Variants in FCGRT observed in about 807,000 individuals in gnomAD.
The protein encoded by FCGRT is Fc gamma receptor and transporter, also known as IgG receptor FcRn large subunit p51.
A neutral mutation model predicts 35.7 loss-of-function variants in FCGRT; 13 were observed. The observed-to-expected ratio is 0.36, with a 90% CI of 0.24 to 0.58. The LOEUF (loss-of-function observed/expected upper bound fraction) is 0.58, where lower values mean the gene tolerates loss of function less well. Among genes scored for constraint, FCGRT ranks in the 20% least tolerant of loss-of-function variants. FCGRT has a pLI of 0.77. For synonymous variants in FCGRT, 233 were observed against 216.5 expected, an observed-to-expected ratio of 1.08 and a Z score of -0.67; for missense variants, 455 against 474.9, an observed-to-expected ratio of 0.96 and a Z score of 0.39.
chr19:49,523,306 T>C (rs537490045), intron 4 of FCGRT, among the ~76,000 whole-genome samples: 3 of 151,868 alleles, frequency 2.0e-5, no homozygotes, highest in Non-Finnish European at 2.9e-5. Context: ...TGGTGCATCA[T>C]GCCTGTAATC....
chr19:49,526,196 ATC>A lies in FCGRT; in HGVS notation c.*81_*82del, dbSNP rs951656089. 5.2e-6 allele frequency: 5 copies of A among 955,648 alleles called. No homozygotes were observed. The African/African-American group carries it at 8.0e-5, about 15-fold the overall frequency. 59.2% of individuals were successfully genotyped at this position (955,648 alleles called of 1,614,324 possible). On this transcript the variant is annotated 3_prime_UTR_variant, in exon 7 of 7. Transcript: ENST00000221466. ...CTGTGAGACCTCCTGGAACACTGGC[ATC>A]TCTGAGCCTCCAGAAGGGGTTCTGG...
chr19:49,513,960 G>A lies in FCGRT; in HGVS notation c.152G>A (p.Gly51Asp). Residue 51 changes from glycine to aspartate, a missense_variant, in exon 3 of 7, where the codon GGC (glycine) becomes GAC (aspartate). Coordinates refer to ENST00000221466, the MANE Select transcript of FCGRT (RefSeq NM_001136019.3). ...GGGACTCCTGCCTTCTGGGTGTCCG[G>A]CTGGCTGGGCCCGCAGCAGTACCTG... The part of the protein sequence containing the change: ...APGTPAFWVS[G>D]WLGPQQYLSY... 4.3e-6 allele frequency: 7 copies of A among 1,613,946 alleles called. No homozygotes were observed. Among genetic ancestry groups the A allele is most frequent in the Non-Finnish European group, 5.9e-6 (7 of 1,179,974 alleles).
In FCGRT at chr19:49,513,491, C is replaced by CCAGGGCCCGCCTGCAG; in HGVS notation, c.73+26_73+27insGCCTGCAGCAGGGCCC. ...GGGCGCAGGTGAGGGCCGCTCCGGG[C>CCAGGGCCCGCCTGCAG]CAGGGCCCTGCTGCAGGCGGGCGGC... On this transcript the variant is annotated intron_variant, in intron 2 of 6. Coordinates refer to ENST00000221466, the MANE Select transcript of FCGRT (RefSeq NM_001136019.3). 8.1e-7 allele frequency: 1 copy of CCAGGGCCCGCCTGCAG among 1,239,400 alleles called. No individual in the cohort carries two copies. The highest frequency in any genetic ancestry group is 1.0e-6 in the Non-Finnish European group (1 of 985,662). 76.8% of individuals were successfully genotyped at this position (1,239,400 alleles called of 1,614,324 possible). A position where few individuals can be genotyped will look rare whatever the true frequency, so the allele number is the denominator to read the frequency against.
At chr19:49,525,926 GACAC>G (rs1181569839) in intron 6 of FCGRT, 80 bp from the exon 7 acceptor site, 32 of 840,958 alleles carry the variant, frequency 3.8e-5, no homozygotes, top group Non-Finnish European at 5.0e-5. Flanking sequence ...GAGTGTGTGA[GACAC>G]ACACACAAAT....
At chr19:49,525,147 G>A in intron 5 of FCGRT, 1 of 514,492 alleles carries the variant, frequency 1.9e-6, no homozygotes, top group South Asian at 1.8e-5. Flanking sequence ...CTGCTGCTTT[G>A]CTACTGCCCG....
rs200637204 is a variant in FCGRT at position 49,514,425 on chromosome 19, C to T, written c.540C>T (p.Phe180=). 6.3e-7 allele frequency: 1 copy of T among 1,593,636 alleles called. No homozygotes were observed. Among genetic ancestry groups the T allele is most frequent in the Non-Finnish European group, 8.6e-7 (1 of 1,166,746 alleles). ...ACAAGGAGCTCACCTTCCTGCTATTCTCCTGCCCGCACCGCCTGCGGGAGC... is the reference window on the plus strand; with the variant it reads ...ACAAGGAGCTCACCTTCCTGCTATTTTCCTGCCCGCACCGCCTGCGGGAGC... The part of the protein sequence containing the change: ...AANKELTFLL[F]SCPHRLREHL... The change falls in exon 4 of 7, where the codon TTC becomes TTT. Residue 180 remains phenylalanine, a synonymous_variant. Transcript: ENST00000221466.
At chr19:49,518,832 G>T (rs536507704) in intron 4 of FCGRT, among the ~76,000 whole-genome samples, 8 of 152,064 alleles carry the variant, frequency 5.3e-5, no homozygotes, top group African/African-American at 1.4e-4. Flanking sequence ...ACCGCGCTCG[G>T]CCGTATTTTT....
intron 5 of FCGRT, chr19:49,525,198 C>T: frequency 3.8e-6 from 2 of 522,948 alleles, no homozygotes; most frequent in Non-Finnish European, 7.1e-6. Flanking sequence ...CCTGCCTCTC[C>T]CCACTGCACT....
In FCGRT at chr19:49,524,589, T is replaced by C. The variant is rs1329903221; in HGVS notation, c.684T>C (p.Pro228=). ...VLTCSAFSFY[P]PELQLRFLRN... ...CCTGCAGCGCCTTCTCCTTCTACCC[T>C]CCGGAGCTGCAACTTCGGTTCCTGC... Residue 228 remains proline, a synonymous_variant, in exon 5 of 7, where the codon CCT becomes CCC. Transcript: ENST00000221466. 1.9e-6 allele frequency: 3 copies of C among 1,612,504 alleles called. No homozygotes were observed. Among genetic ancestry groups the C allele is most frequent in the Admixed American group, 1.7e-5 (1 of 59,996 alleles).
intron 4 of FCGRT, among the ~76,000 whole-genome samples, chr19:49,523,801 A>C (rs1012630413): frequency 6.7e-6 from 1 of 149,828 alleles, no homozygotes; most frequent in Admixed American, 6.7e-5. Flanking sequence ...CGGAGCTTGC[A>C]GTGAGCCGAG....
intron 4 of FCGRT, among the ~76,000 whole-genome samples, chr19:49,522,181 A>G (rs1480632552): frequency 6.7e-6 from 1 of 149,216 alleles, no homozygotes; most frequent in Non-Finnish European, 1.5e-5. Context: ...TCCTGGGCTC[A>G]AGGATTCCTC....
intron 4 of FCGRT, among the ~76,000 whole-genome samples, chr19:49,522,055 T>C (rs1479117557): frequency 1.3e-5 from 2 of 151,912 alleles, no homozygotes; most frequent in Non-Finnish European, 2.9e-5. Flanking sequence ...AATTTATACA[T>C]TTTATAAAGT....
At chr19:49,513,581 C>G (rs949769515) in intron 2 of FCGRT, 108 bp downstream of exon 2, 79 of 590,520 alleles carry the variant, frequency 1.3e-4, no homozygotes, top group Non-Finnish European at 1.8e-4. Flanking sequence ...GAGCCCCTGG[C>G]GCTGCCTTCT....
In FCGRT at chr19:49,513,417, C is replaced by G. The variant is rs2079985451; in HGVS notation, c.17C>G (p.Pro6Arg). Reference protein sequence around the residue: MGVPRPQPWALGLLLF... With the variant: MGVPRRQPWALGLLLF... The stretch of plus-strand genomic sequence containing the variant: ...CCTCTCAGCATGGGGGTCCCGCGGC[C>G]TCAGCCCTGGGCGCTGGGGCTCCTG... The change falls in exon 2 of 7, where the codon CCT becomes CGT. Residue 6 changes from proline to arginine, a missense_variant. Transcript: ENST00000221466. 6 of 1,245,384 alleles carry G rather than the reference C, an allele frequency of 4.8e-6. No homozygotes were observed. Among genetic ancestry groups the G allele is most frequent in the Middle Eastern group, 3.0e-4 (1 of 3,322 alleles). 77.1% of individuals were successfully genotyped at this position (1,245,384 alleles called of 1,614,324 possible).
At chr19:49,524,843 T>A (rs754279971) in intron 5 of FCGRT, 67 bp downstream of exon 5, 1 of 1,459,936 alleles carries the variant, frequency 6.8e-7, no homozygotes, top group Admixed American at 1.9e-5. Flanking sequence ...GCGCCGGTCC[T>A]TCCTGAGTCT....
chr19:49,526,007 C>T lies in FCGRT; in HGVS notation c.989-3C>T, dbSNP rs369594519. On this transcript the variant is annotated splice_region_variant and splice_polypyrimidine_tract_variant and intron_variant, in intron 6 of 6. Transcript: ENST00000221466. Reference sequence around the variant, plus strand: ...TGACCTCTCCCTCTCTCTCTCTCCTCAGCCCCTTGGATCTCCCTTCGTGGA... The same window carrying T: ...TGACCTCTCCCTCTCTCTCTCTCCTTAGCCCCTTGGATCTCCCTTCGTGGA... 2.1e-5 allele frequency: 34 copies of T among 1,592,200 alleles called. No individual in the cohort carries two copies. Among genetic ancestry groups the T allele is most frequent in the Non-Finnish European group, 2.8e-5 (33 of 1,160,564 alleles).
intron 4 of FCGRT, among the ~76,000 whole-genome samples, chr19:49,522,594 G>A (rs2080047798): frequency 6.6e-6 from 1 of 151,080 alleles, no homozygotes; most frequent in African/African-American, 2.4e-5. Context: ...ACCATGCCTG[G>A]CTAATTTTTT....
At chr19:49,525,980 G>C in intron 6 of FCGRT, 30 bp from the exon 7 acceptor site, 1 of 1,412,344 alleles carries the variant, frequency 7.1e-7, no homozygotes, top group Non-Finnish European at 1.0e-6. Flanking sequence ...CAGAGATTCT[G>C]ATGACCTCTC....
At chr19:49,523,332 G>A (rs2122694301) in intron 4 of FCGRT, among the ~76,000 whole-genome samples, 1 of 152,182 alleles carries the variant, frequency 6.6e-6, no homozygotes, top group Non-Finnish European at 1.5e-5. Context: ...ACTTTGGGAG[G>A]CTGAGGCAGG....
Sources: gnomAD v4.1 joint callset for allele counts (sites outside exome capture counted in the v4.1 genomes callset) on GRCh38, gnomAD v4.1.1 for gene constraint, MANE v1.5 for transcripts, NCBI Gene and HGNC (gene_info 2026-07-23, HGNC 2026-07-21) for gene names.